The following EPB41L1 variants were observed in gnomAD, a reference collection of about 807,000 sequenced individuals.
EPB41L1 encodes the protein band 4.1-like protein 1.
A neutral mutation model predicts 97.8 loss-of-function variants in EPB41L1; 29 were observed. That is an observed-to-expected ratio of 0.30 (90% CI 0.22 to 0.40). EPB41L1 has a LOEUF of 0.40. EPB41L1 is among the 10% of genes least tolerant of loss of function. The probability of loss-of-function intolerance (pLI) is 1.00; values close to 1 mark genes in which losing one functional copy is unlikely to be tolerated. For synonymous variants in EPB41L1, 383 were observed against 459.2 expected (o/e 0.83, Z 2.12); for missense variants, 812 against 1,162.3 (o/e 0.70, Z 4.38).
chr20:36,178,627 T>C lies in EPB41L1; in HGVS notation c.448-3T>C, dbSNP rs1011877637. 6.2e-7 allele frequency: 1 copy of C among 1,614,134 alleles called. No individual in the cohort carries two copies. Among genetic ancestry groups the C allele is most frequent in the Non-Finnish European group, 8.5e-7 (1 of 1,179,974 alleles). ...CTCTGAAGATCTCTATCTTTTCTTT[T>C]AGAACTGGCTGGACCCCTCCAAGGA... On this transcript the variant is annotated splice_region_variant and splice_polypyrimidine_tract_variant and intron_variant, in intron 4 of 21. Coordinates refer to ENST00000338074, the MANE Select transcript of EPB41L1 (RefSeq NM_012156.2).
chr20:36,219,022 C>A (rs2063612257), intron 18 of EPB41L1, 60 bp downstream of exon 18: 35 of 1,547,286 alleles, frequency 2.3e-5, no homozygotes, highest in Middle Eastern at 3.5e-4. Context: ...GGGCATGGAC[C>A]CATGTATGGC....
chr20:36,154,484 G>A (rs1376118107), upstream of EPB41L1, among the ~76,000 whole-genome samples: 1 of 151,830 alleles, frequency 6.6e-6, no homozygotes, highest in Non-Finnish European at 1.5e-5. This position sits in a 1 kb window ranked among gnomAD's most constrained non-coding sequence, Gnocchi z 5.5. Context: ...GGAGGAGGTG[G>A]CCTGGGAGCC....
At chr20:36,110,024 C>T (rs2058338453) in intron 1 of EPB41L1, 1 of 151,938 alleles carries the variant, frequency 6.6e-6, no homozygotes, top group Non-Finnish European at 1.5e-5. Context: ...TCACCGCGAC[C>T]TCTGCCTCCT....
At chr20:36,194,171 G>C in intron 11 of EPB41L1, 41 bp from the exon 12 acceptor site, 15 of 1,612,032 alleles carry the variant, frequency 9.3e-6, no homozygotes, top group Non-Finnish European at 1.2e-5. Context: ...TTCTCTGGGA[G>C]GGGTCTCACA....
chr20:36,167,477 C>T (rs986615669), intron 1 of EPB41L1, among the ~76,000 whole-genome samples: 1 of 151,980 alleles, frequency 6.6e-6, no homozygotes, highest in Admixed American at 6.6e-5. Flanking sequence ...GAGGCTGAGG[C>T]GGGCGGATTG....
intron 21 of EPB41L1, among the ~76,000 whole-genome samples, chr20:36,225,002 A>G (rs939243602): frequency 1.1e-4 from 16 of 152,136 alleles, no homozygotes; most frequent in Non-Finnish European, 1.5e-4. Flanking sequence ...TTGTATTTTT[A>G]GTAGAGACGG....
chr20:36,178,189 G>C (rs376824456), intron 4 of EPB41L1, 133 bp downstream of exon 4: 1 of 743,792 alleles, frequency 1.3e-6, no homozygotes. Flanking sequence ...GGCTCAACCA[G>C]CCCTATCCAC....
chr20:36,189,679 C>G (rs1235511593), intron 9 of EPB41L1, among the ~76,000 whole-genome samples: 1 of 152,236 alleles, frequency 6.6e-6, no homozygotes, highest in African/African-American at 2.4e-5. Flanking sequence ...CCCAGTTCTG[C>G]TGCACCACAC....
Position 36,190,510 on chromosome 20 carries a change from T to G in EPB41L1, c.1125-112T>G. ...CAAGTCCCTCCCTTCCTGGACCACT[T>G]TGAATTGTTGTAGTTGGTGGAGTAG... On this transcript the variant is annotated intron_variant, in intron 10 of 21. Transcript: ENST00000338074. This position sits in a 1 kb window ranked among gnomAD's most constrained non-coding sequence, Gnocchi z 5.8. 6.5e-7 allele frequency: 1 copy of G among 1,543,536 alleles called. No homozygotes were observed. Among genetic ancestry groups the G allele is most frequent in the Non-Finnish European group, 8.9e-7 (1 of 1,124,536 alleles).
chr20:36,176,657 A>G (rs1251611176), intron 3 of EPB41L1, among the ~76,000 whole-genome samples: 1 of 138,902 alleles, frequency 7.2e-6, no homozygotes, highest in Non-Finnish European at 1.5e-5. Context: ...GTTGAGACAG[A>G]GTCTTGCTCT....
rs577072427 is a variant in EPB41L1, at chr20:36,097,392, T to C, written c.-65+5780T>C. 3.9e-5 allele frequency among the ~76,000 whole-genome samples: 6 copies of C among 152,316 alleles called. No individual in the cohort carries two copies. In the East Asian group the frequency reaches 9.6e-4, roughly 24 times the overall value. On this transcript the variant is annotated intron_variant, in intron 1 of 19. Coordinates refer to the EPB41L1 transcript ENST00000202028. Reference sequence around the variant, plus strand: ...CAGTACTAGTATCTGTTTCACAGGATTGTTTTGATAATTAAATGAGATAAC... The same window carrying C: ...CAGTACTAGTATCTGTTTCACAGGACTGTTTTGATAATTAAATGAGATAAC...
At chr20:36,157,537 T>C (rs902152506) in intron 1 of EPB41L1, among the ~76,000 whole-genome samples, 5 of 152,162 alleles carry the variant, frequency 3.3e-5, no homozygotes, top group Admixed American at 2.0e-4. Flanking sequence ...AAGTACCAGG[T>C]TGGTGTCCAG....
intron 21 of EPB41L1, among the ~76,000 whole-genome samples, chr20:36,228,748 T>C (rs2064333655): frequency 6.6e-6 from 1 of 152,168 alleles, no homozygotes; most frequent in African/African-American, 2.4e-5. Context: ...ATTTAAACAC[T>C]GCTGTCTGTG....
intron 1 of EPB41L1, among the ~76,000 whole-genome samples, chr20:36,170,858 C>T (rs896650642): frequency 1.3e-5 from 2 of 152,172 alleles, no homozygotes. Flanking sequence ...GCATCCAGCT[C>T]CTCTCCTCTG....
intron 2 of EPB41L1, among the ~76,000 whole-genome samples, chr20:36,142,559 A>T (rs1325332594): frequency 6.6e-6 from 1 of 152,180 alleles, no homozygotes; most frequent in Admixed American, 6.5e-5. Flanking sequence ...TGCCCAATTT[A>T]TTGGCGGCTC....
intron 1 of EPB41L1, among the ~76,000 whole-genome samples, chr20:36,168,137 C>T (rs934445005): frequency 2.6e-5 from 4 of 152,116 alleles, no homozygotes; most frequent in African/African-American, 9.7e-5. Context: ...TGCTGAGTGC[C>T]CCTGGAAGGT....
At chr20:36,140,582 A>G (rs2059601393) in intron 2 of EPB41L1, among the ~76,000 whole-genome samples, 1 of 152,176 alleles carries the variant, frequency 6.6e-6, no homozygotes, top group Non-Finnish European at 1.5e-5. Context: ...TGCTATTTTG[A>G]ATATTAATAT....
chr20:36,219,911 C>T (rs2063678474), intron 19 of EPB41L1, 67 bp downstream of exon 19: 2 of 1,396,262 alleles, frequency 1.4e-6, no homozygotes, highest in East Asian at 2.3e-5. Flanking sequence ...GACTGTTGTT[C>T]TGCTTCGGCT....
At chr20:36,142,182 C>T (rs561052861) in intron 2 of EPB41L1, among the ~76,000 whole-genome samples, 41 of 151,944 alleles carry the variant, frequency 2.7e-4, no homozygotes, top group African/African-American at 9.4e-4. Context: ...TGTTACGTAC[C>T]ATTTTGTCTC....
Sources: allele counts gnomAD v4.1 joint callset (sites outside exome capture counted in the v4.1 genomes callset), GRCh38; gene constraint gnomAD v4.1.1; non-coding constraint Gnocchi (gnomAD v3.1); transcripts MANE v1.5; gene names NCBI Gene and HGNC (gene_info 2026-07-23, HGNC 2026-07-21).